The following OCLN variants were observed in gnomAD, a reference collection of about 807,000 sequenced individuals.
The protein encoded by OCLN is phosphatase 1, regulatory subunit 115.
In OCLN, 21 loss-of-function variants were observed where a neutral mutation model predicts 47.9. The observed-to-expected ratio is 0.44, with a 90% CI of 0.31 to 0.63. The LOEUF (loss-of-function observed/expected upper bound fraction) is 0.63. Among genes scored for constraint, OCLN ranks in the 30% least tolerant of loss-of-function variants. OCLN has a pLI of 0.08. For synonymous variants in OCLN, 117 were observed against 198.4 expected, an observed-to-expected ratio of 0.59 and a Z score of 3.45; for missense variants, 360 against 571.0, an observed-to-expected ratio of 0.63 and a Z score of 3.77.
In OCLN at chr5:69,529,543, A is replaced by G. The variant is rs868252488; in HGVS notation, c.892-5151A>G. On this transcript the variant is annotated intron_variant, in intron 4 of 8. Coordinates refer to ENST00000396442, the MANE Select transcript of OCLN (RefSeq NM_001205254.2). ...CTAAATTAATAATTCATACTCCTTA[A>G]GCATGTTCAGTGTGAGTGCTTGTCC... Among the ~76,000 whole-genome samples the G allele has an allele frequency of 1.4e-4, 22 of 152,194 alleles. 1 individual carries two copies. Among genetic ancestry groups the G allele is most frequent in the Non-Finnish European group, 2.6e-4 (18 of 68,032 alleles).
chr5:69,500,718 G>A (rs942718247), intron 1 of OCLN, among the ~76,000 whole-genome samples: 1 of 152,006 alleles, frequency 6.6e-6, no homozygotes, highest in Non-Finnish European at 1.5e-5. Flanking sequence ...TAAAATCCGT[G>A]CTTTTGGGGA....
At chr5:69,515,263 G>A (rs1487151139) in intron 4 of OCLN, among the ~76,000 whole-genome samples, 8 of 143,038 alleles carry the variant, frequency 5.6e-5, no homozygotes, top group Non-Finnish European at 7.7e-5. Flanking sequence ...CGGATGGGGC[G>A]GCTGGCCGGG....
chr5:69,504,315 T>TGA, intron 2 of OCLN, 21 bp downstream of exon 2: 1 of 1,434,954 alleles, frequency 7.0e-7, no homozygotes, highest in Non-Finnish European at 9.8e-7. Context: ...AATTCTTTAG[T>TGA]TATTCTCTTT....
chr5:69,508,469 T>G (rs1248325108), intron 2 of OCLN, among the ~76,000 whole-genome samples: 1 of 152,066 alleles, frequency 6.6e-6, no homozygotes, highest in Non-Finnish European at 1.5e-5. Context: ...GCCTCCTGAG[T>G]AGCTGGGATT....
chr5:69,513,208 A>T (rs1027641948), intron 3 of OCLN, among the ~76,000 whole-genome samples: 1 of 152,160 alleles, frequency 6.6e-6, no homozygotes, highest in Admixed American at 6.5e-5. Context: ...TAGAGGCCTG[A>T]TATTTCCCTC....
At chr5:69,510,683 C>CA (rs965802163) in intron 3 of OCLN, among the ~76,000 whole-genome samples, 11 of 150,602 alleles carry the variant, frequency 7.3e-5, no homozygotes, top group Middle Eastern at 3.4e-3. Flanking sequence ...GACTCCATCT[C>CA]AAAAAAAAAG....
At chr5:69,510,544 A>T (rs988047664) in intron 3 of OCLN, among the ~76,000 whole-genome samples, 7 of 152,012 alleles carry the variant, frequency 4.6e-5, no homozygotes, top group Non-Finnish European at 8.8e-5. Context: ...TTAGCTGGGC[A>T]TGGTGGCAGG....
chr5:69,515,154 C>A (rs1161565312), intron 4 of OCLN, among the ~76,000 whole-genome samples: 1 of 148,250 alleles, frequency 6.7e-6, no homozygotes, highest in Non-Finnish European at 1.5e-5. Flanking sequence ...GGGCGGGGGG[C>A]TGACCCCCCC....
At chr5:69,518,994 C>T (rs965618377) in intron 4 of OCLN, among the ~76,000 whole-genome samples, 5 of 152,004 alleles carry the variant, frequency 3.3e-5, no homozygotes, top group Non-Finnish European at 7.4e-5. Context: ...AAAAATTAGC[C>T]GGACGTGGGC....
At chr5:69,496,320 G>C (rs531537108) in intron 1 of OCLN, among the ~76,000 whole-genome samples, 11 of 151,886 alleles carry the variant, frequency 7.2e-5, no homozygotes, top group Non-Finnish European at 1.6e-4. Flanking sequence ...GGATGGTCTC[G>C]ATCTCCTGAC....
In OCLN at chr5:69,493,150, C is replaced by T. The variant is rs1046772077; in HGVS notation, c.-69+250C>T. Among the ~76,000 whole-genome samples, 2 of 152,180 alleles carry T rather than the reference C, an allele frequency of 1.3e-5. No individual in the cohort carries two copies. The highest frequency in any genetic ancestry group is 1.3e-4 in the Admixed American group (2 of 15,280). On this transcript the variant is annotated intron_variant, in intron 1 of 8. Coordinates refer to ENST00000396442, the MANE Select transcript of OCLN (RefSeq NM_001205254.2). This position sits in a 1 kb window ranked among gnomAD's most constrained non-coding sequence, Gnocchi z 5.3. ...TTGGAGCCGCCGATCAAGCTTTATT[C>T]CGCGGAAACGCTGAAAGCTAGCAGT...
chr5:69,509,631 A>T lies in OCLN; in HGVS notation c.541A>T (p.Ile181Phe). 1 of 1,614,224 alleles carries T rather than the reference A, an allele frequency of 6.2e-7. No individual in the cohort carries two copies. The highest frequency in any genetic ancestry group is 8.5e-7 in the Non-Finnish European group (1 of 1,180,040). Residue 181 changes from isoleucine to phenylalanine, a missense_variant, in exon 3 of 9, where the codon ATC (isoleucine) becomes TTC (phenylalanine). By Grantham distance (21) the Ile-to-Phe change is conservative (BLOSUM62 0). Coordinates refer to ENST00000396442, the MANE Select transcript of OCLN (RefSeq NM_001205254.2). ...CTTAAGTGTGATAATAGTGAGTGCTATCCTGGGCATCATGGTGTTTATTGC... is the reference window on the plus strand; with the variant it reads ...CTTAAGTGTGATAATAGTGAGTGCTTTCCTGGGCATCATGGTGTTTATTGC... ...YYLSVIIVSA[I>F]LGIMVFIATI...
At chr5:69,496,192 G>C (rs541559669) in intron 1 of OCLN, among the ~76,000 whole-genome samples, 8 of 151,248 alleles carry the variant, frequency 5.3e-5, no homozygotes, top group Non-Finnish European at 8.8e-5. Context: ...TCCGCCTCCC[G>C]GGTTCACACC....
At chr5:69,520,580 C>T (rs1769108575) in intron 4 of OCLN, among the ~76,000 whole-genome samples, 1 of 152,146 alleles carries the variant, frequency 6.6e-6, no homozygotes, top group Non-Finnish European at 1.5e-5. Flanking sequence ...GCGTGAGCCA[C>T]CATGCCTGGC....
rs201027704 is a variant in OCLN, at chr5:69,509,207, C to G, written c.117C>G (p.Leu39=). The change falls in exon 3 of 9, where the codon CTC becomes CTG. Residue 39 remains leucine (L), a synonymous_variant. Transcript: ENST00000396442. ...GAGAGATGCATGTTCGACCAATGCTCTCTCAGCCAGCCTACTCTTTTTACC... is the reference window on the plus strand; with the variant it reads ...GAGAGATGCATGTTCGACCAATGCTGTCTCAGCCAGCCTACTCTTTTTACC... ...YGGEMHVRPM[L]SQPAYSFYPE... The G allele has an allele frequency of 2.1e-5, 34 of 1,614,164 alleles. No homozygotes were observed. Among genetic ancestry groups the G allele is most frequent in the Admixed American group, 5.0e-5 (3 of 60,032 alleles).
Position 69,492,879 on chromosome 5 carries a change from C to T in OCLN, c.-90C>T, listed in dbSNP as rs1033505826. The T allele has an allele frequency of 7.2e-5, 11 of 152,426 alleles. No homozygotes were observed. The highest frequency in any genetic ancestry group is 2.4e-5 in the African/African-American group (1 of 41,444). 9.4% of individuals were successfully genotyped at this position (152,426 alleles called of 1,614,324 possible). On this transcript the variant is annotated 5_prime_UTR_variant, in exon 1 of 9. Coordinates refer to ENST00000396442, the MANE Select transcript of OCLN (RefSeq NM_001205254.2). ...CTGGCACCGTTGGCCCCCGGAGGGT[C>T]GGGCCCAGTTGCGGCGAGCGGGTGA... is the stretch of plus-strand genomic sequence containing the variant.
At chr5:69,550,726 GTATT>G (rs1319305166) in intron 7 of OCLN, among the ~76,000 whole-genome samples, 2 of 72,642 alleles carry the variant, frequency 2.8e-5, no homozygotes, top group Admixed American at 3.5e-4. Flanking sequence ...TTAGATTTAT[GTATT>G]TCTTTTATGG....
At chr5:69,521,644 A>G (rs1769141212) in intron 4 of OCLN, among the ~76,000 whole-genome samples, 1 of 152,200 alleles carries the variant, frequency 6.6e-6, no homozygotes, top group Admixed American at 6.5e-5. Flanking sequence ...CTTGAAAAAA[A>G]GCATTTTACA....
intron 1 of OCLN, among the ~76,000 whole-genome samples, chr5:69,499,490 C>T (rs1768394964): frequency 6.6e-6 from 1 of 152,180 alleles, no homozygotes; most frequent in Non-Finnish European, 1.5e-5. Context: ...TACAATATAC[C>T]TAAGTGCCTA....
Sources: gnomAD v4.1 joint callset for allele counts (sites outside exome capture counted in the v4.1 genomes callset) on GRCh38, gnomAD v4.1.1 for gene constraint, Gnocchi (gnomAD v3.1) non-coding constraint, MANE v1.5 for transcripts, NCBI Gene and HGNC (gene_info 2026-07-23, HGNC 2026-07-21) for gene names.